ANO4: variants seen among roughly 807,000 people sequenced by gnomAD.
ANO4 encodes anoctamin 4.
In ANO4, 69 loss-of-function variants were observed where a neutral mutation model predicts 141.9. The observed-to-expected ratio is 0.49, with a 90% CI of 0.40 to 0.59. ANO4 has a LOEUF of 0.59. Ranked by LOEUF, ANO4 falls within the 20% of genes least tolerant of loss-of-function variation. The pLI, the probability that ANO4 is intolerant of heterozygous loss-of-function variation, is 0.00. For synonymous variants in ANO4, 350 were observed against 394.3 expected, an observed-to-expected ratio of 0.89 and a Z score of 1.33; for missense variants, 894 against 1,162.2, an observed-to-expected ratio of 0.77 and a Z score of 3.36.
At chr12:101,058,565 A>T (rs185086094) in intron 14 of ANO4, among the ~76,000 whole-genome samples, 1 of 152,172 alleles carries the variant, frequency 6.6e-6, no homozygotes, top group Admixed American at 6.5e-5. Flanking sequence ...TTCTCCTTGA[A>T]GAGGCCCTTC....
At chr12:100,986,039 G>T (rs1349517165) in intron 7 of ANO4, among the ~76,000 whole-genome samples, 1 of 152,132 alleles carries the variant, frequency 6.6e-6, no homozygotes, top group Non-Finnish European at 1.5e-5. Context: ...CCCAGTGCAG[G>T]TGGGTGCCAT....
chr12:100,910,577 A>G (rs1160889645), intron 2 of ANO4, among the ~76,000 whole-genome samples: 1 of 152,168 alleles, frequency 6.6e-6, no homozygotes, highest in Non-Finnish European at 1.5e-5. Flanking sequence ...GTTTGGGACT[A>G]TAATTTAAGA....
intron 2 of ANO4, among the ~76,000 whole-genome samples, chr12:100,739,033 C>CTCTAAATCTTTATATATATA (rs1565846795): frequency 8.2e-6 from 1 of 122,254 alleles, no homozygotes; most frequent in African/African-American, 3.0e-5. Context: ...TATATATAAT[C>CTCTAAATCTTTATATATATA]TCTAAATCTT....
intron 1 of ANO4, among the ~76,000 whole-genome samples, chr12:100,810,557 G>C (rs565910038): frequency 6.6e-6 from 1 of 152,252 alleles, no homozygotes; most frequent in Non-Finnish European, 1.5e-5. Flanking sequence ...TACAAGGCTG[G>C]TGCAGAGGTC....
intron 5 of ANO4, among the ~76,000 whole-genome samples, chr12:100,970,555 A>G (rs1356889299): frequency 1.3e-5 from 2 of 152,074 alleles, no homozygotes; most frequent in African/African-American, 4.8e-5. Context: ...CCTTGTCCAG[A>G]TGAGTATGTA....
intron 1 of ANO4, among the ~76,000 whole-genome samples, chr12:100,843,792 G>A (rs1472105996): frequency 6.6e-6 from 1 of 152,174 alleles, no homozygotes; most frequent in African/African-American, 2.4e-5. Flanking sequence ...AATAATCTGA[G>A]AGTGATTGTG....
chr12:100,726,968 C>G (rs543956471), intron 1 of ANO4, among the ~76,000 whole-genome samples: 2 of 151,560 alleles, frequency 1.3e-5, no homozygotes, highest in African/African-American at 4.8e-5. Flanking sequence ...GGACCCCCCC[C>G]GCCCATTCCC....
At chr12:100,989,853 C>T (rs1191416300) in intron 8 of ANO4, among the ~76,000 whole-genome samples, 6 of 101,922 alleles carry the variant, frequency 5.9e-5, no homozygotes, top group Middle Eastern at 0.011. Context: ...GTTGGGTATA[C>T]ACATGGATAG....
At chr12:100,844,096 C>T (rs1445251702) in intron 1 of ANO4, among the ~76,000 whole-genome samples, 2 of 151,972 alleles carry the variant, frequency 1.3e-5, no homozygotes, top group African/African-American at 2.4e-5. Context: ...ATGCAAGGTG[C>T]CTGCCTTCAT....
chr12:100,762,642 G>A (rs1394719897), intron 3 of ANO4, among the ~76,000 whole-genome samples: 2 of 152,160 alleles, frequency 1.3e-5, no homozygotes, highest in Non-Finnish European at 2.9e-5. Flanking sequence ...TGTAGTCAAA[G>A]GAAAGTGCAA....
At chr12:100,910,370 C>T (rs979108985) in intron 2 of ANO4, among the ~76,000 whole-genome samples, 1 of 152,102 alleles carries the variant, frequency 6.6e-6, no homozygotes, top group Non-Finnish European at 1.5e-5. Flanking sequence ...AAGATGGTCT[C>T]TCATTATGCT....
At chr12:100,793,522 TA>T (rs1420212276), upstream of ANO4, among the ~76,000 whole-genome samples, 4 of 151,512 alleles carry the variant, frequency 2.6e-5, no homozygotes, top group African/African-American at 7.3e-5. Flanking sequence ...AACTTCTAGG[TA>T]AAAACAGACA....
chr12:101,021,881 TA>T (rs912522196), intron 9 of ANO4, among the ~76,000 whole-genome samples: 4 of 151,974 alleles, frequency 2.6e-5, no homozygotes, highest in African/African-American at 7.2e-5. Flanking sequence ...TGTAAAAAAT[TA>T]AAAAAATAAT....
chr12:101,038,949 C>A (rs1183354143), intron 10 of ANO4: 1 of 152,040 alleles, frequency 6.6e-6, no homozygotes, highest in African/African-American at 2.4e-5. Context: ...AAGGGCTTCT[C>A]CACTTAATAT....
At chr12:100,864,409 A>G (rs2038644443) in intron 1 of ANO4, among the ~76,000 whole-genome samples, 1 of 152,190 alleles carries the variant, frequency 6.6e-6, no homozygotes, top group South Asian at 2.1e-4. Flanking sequence ...AGCTACATCC[A>G]TGTACTACAA....
At chr12:101,037,257 T>C in intron 10 of ANO4, 107 bp downstream of exon 10, 1 of 1,226,402 alleles carries the variant, frequency 8.2e-7, no homozygotes. Flanking sequence ...TCAGAATGAA[T>C]TTAATTTGTT....
chr12:100,838,276 G>T (rs1420514160), intron 1 of ANO4, among the ~76,000 whole-genome samples: 31 of 150,790 alleles, frequency 2.1e-4, no homozygotes, highest in Non-Finnish European at 2.9e-5. Flanking sequence ...ACCACCTGCT[G>T]CTATAAGACT....
At chr12:101,013,006 T>C (rs2046163125) in intron 8 of ANO4, among the ~76,000 whole-genome samples, 1 of 152,136 alleles carries the variant, frequency 6.6e-6, no homozygotes, top group Non-Finnish European at 1.5e-5. Context: ...AAAAGGGAAC[T>C]CTCATACACT....
intron 9 of ANO4, among the ~76,000 whole-genome samples, chr12:101,029,146 C>T (rs995446329): frequency 6.6e-6 from 1 of 152,168 alleles, no homozygotes; most frequent in African/African-American, 2.4e-5. Context: ...GATTTTGTTA[C>T]CCCCACGCTG....
Sources: allele counts gnomAD v4.1 joint callset (sites outside exome capture counted in the v4.1 genomes callset), GRCh38; gene constraint gnomAD v4.1.1; transcripts MANE v1.5; gene names NCBI Gene and HGNC (gene_info 2026-07-23, HGNC 2026-07-21).